The following PTPRS variants were observed in gnomAD, a reference collection of about 807,000 sequenced individuals.
The protein encoded by PTPRS is protein tyrosine phosphatase receptor type S, also known as receptor-type tyrosine-protein phosphatase S.
A neutral mutation model predicts 215.3 loss-of-function variants in PTPRS; 63 were observed. The ratio of observed to expected loss-of-function variants is 0.29; its 90% CI spans 0.24 to 0.36. The LOEUF is 0.36. Ranked by LOEUF, PTPRS falls within the 10% of genes least tolerant of loss-of-function variation. The probability of loss-of-function intolerance (pLI) is 1.00; values close to 1 mark genes in which losing one functional copy is unlikely to be tolerated. For missense variants in PTPRS, 2,258 were observed against 2,825.8 expected, an observed-to-expected ratio of 0.80 and a Z score of 4.56; for synonymous variants, 1,404 against 1,191.4, an observed-to-expected ratio of 1.18 and a Z score of -3.68.
At chr19:5,255,629 G>C (rs1048185839) in intron 9 of PTPRS, among the ~76,000 whole-genome samples, 1 of 151,542 alleles carries the variant, frequency 6.6e-6, no homozygotes, top group African/African-American at 2.4e-5. Flanking sequence ...AAAACCAAAA[G>C]AGAAAAACAG....
Position 5,222,249 on chromosome 19 carries a change from GAGC to G in PTPRS, c.3104-32_3104-30del, listed in dbSNP as rs767370238. ...CCGGGGAGGCGGCCGAGCAGGGAGA[GAGC>G]AGAAGAGAGGCCCCATGAGTGCCTG... On this transcript the variant is annotated intron_variant, in intron 18 of 37. Coordinates refer to ENST00000262963, the MANE Select transcript of PTPRS (RefSeq NM_002850.4). 4.1e-5 allele frequency: 64 copies of G among 1,569,688 alleles called. 1 individual carries two copies. In the South Asian group the frequency reaches 6.8e-4, roughly 17 times the overall value.
intron 26 of PTPRS, among the ~76,000 whole-genome samples, chr19:5,216,169 C>T (rs144054767): frequency 3.5e-4 from 54 of 152,254 alleles, no homozygotes; most frequent in African/African-American, 1.2e-3. Flanking sequence ...TCTGTCCCTG[C>T]GCTTGCTTGG....
At chr19:5,311,248 G>A (rs7258119) in intron 1 of PTPRS, among the ~76,000 whole-genome samples, 32,509 of 152,062 alleles carry the variant, frequency 0.21, 4,196 homozygotes, top group African/African-American at 0.37. Context: ...GACCTCAGGC[G>A]ATCTGCCCGT....
intron 1 of PTPRS, among the ~76,000 whole-genome samples, chr19:5,334,900 C>A (rs2050443201): frequency 6.6e-6 from 1 of 152,200 alleles, no homozygotes; most frequent in Non-Finnish European, 1.5e-5. Flanking sequence ...TACTGACTTG[C>A]TTACTTAGCA....
intron 2 of PTPRS, among the ~76,000 whole-genome samples, chr19:5,280,976 G>C (rs2047800344): frequency 6.6e-6 from 1 of 151,724 alleles, no homozygotes; most frequent in East Asian, 2.0e-4. Context: ...ATTTTTAGTA[G>C]AGAGGGGGTT....
intron 1 of PTPRS, among the ~76,000 whole-genome samples, chr19:5,292,031 T>G (rs2048863367): frequency 6.6e-6 from 1 of 152,116 alleles, no homozygotes; most frequent in Non-Finnish European, 1.5e-5. Context: ...AGGGCTCAGC[T>G]GAGCTGTCAC....
chr19:5,278,994 T>C (rs1213136081), intron 2 of PTPRS, among the ~76,000 whole-genome samples: 1 of 151,044 alleles, frequency 6.6e-6, no homozygotes, highest in African/African-American at 2.4e-5. Flanking sequence ...GAGGCCCGCC[T>C]GACCAACATG....
At chr19:5,286,003 G>C (rs1161959594) in intron 2 of PTPRS, 47 bp downstream of exon 2, 1 of 1,562,740 alleles carries the variant, frequency 6.4e-7, no homozygotes, top group Non-Finnish European at 8.8e-7. Context: ...AATGCACACA[G>C]GTAAACAAAC....
chr19:5,323,452 G>A (rs1209279098), intron 1 of PTPRS, among the ~76,000 whole-genome samples: 1 of 152,222 alleles, frequency 6.6e-6, no homozygotes, highest in Non-Finnish European at 1.5e-5. Flanking sequence ...CTAGGTGGTG[G>A]GGCAGGCTGC....
At position 5,247,868 on chromosome 19, in the gene PTPRS, G is replaced by A. The variant is rs892675400; in HGVS notation, c.719-1823C>T. ...GTCGGCAGGCGTGGGAGTGGGGTCC[G>A]GAAGCTGGCAGCCCTTCGGAAAAAG... On this transcript the variant is annotated intron_variant, in intron 9 of 37. Transcript: ENST00000262963. 6.6e-5 allele frequency among the ~76,000 whole-genome samples: 10 copies of A among 152,018 alleles called. No homozygotes were observed. In the East Asian group the frequency reaches 1.6e-3, roughly 24 times the overall value.
In PTPRS at chr19:5,286,227, G is replaced by GCAAC. The variant is rs775432718; in HGVS notation, c.-88_-87insGTTG. Reference sequence around the variant, plus strand: ...AGGCCTCGAGCCGAGCGTCAGATGGGGCAACGTCTGCAGAGACAATGGAGG... The same window carrying GCAAC: ...AGGCCTCGAGCCGAGCGTCAGATGGGCAACGCAACGTCTGCAGAGACAATGGAGG... On this transcript the variant is annotated 5_prime_UTR_variant, in exon 2 of 38. The change abolishes the stop of an existing upstream ORF in the 5' untranslated region. Coordinates refer to ENST00000262963, the MANE Select transcript of PTPRS (RefSeq NM_002850.4). The GCAAC allele has an allele frequency of 7.0e-7, 1 of 1,428,902 alleles. No homozygotes were observed. Among genetic ancestry groups the GCAAC allele is most frequent in the Admixed American group, 1.9e-5 (1 of 51,592 alleles). 88.5% of individuals were successfully genotyped at this position (1,428,902 alleles called of 1,614,324 possible). A position where few individuals can be genotyped will look rare whatever the true frequency, so the allele number is the denominator to read the frequency against.
chr19:5,273,154 G>A (rs1054391211), intron 4 of PTPRS: 23 of 460,922 alleles, frequency 5.0e-5, no homozygotes, highest in Admixed American at 3.9e-4. Context: ...TTTCTCGCTT[G>A]AACCCATCTG....
chr19:5,282,374 T>C (rs1328611194), intron 2 of PTPRS, among the ~76,000 whole-genome samples: 1 of 152,120 alleles, frequency 6.6e-6, no homozygotes, highest in Non-Finnish European at 1.5e-5. Context: ...CCCCACCTTT[T>C]TCTCAGCAAA....
rs1343171373 is a variant in PTPRS, at chr19:5,287,678, G to A, written c.-94-1444C>T. Among the ~76,000 whole-genome samples, 2 of 152,064 alleles carry A rather than the reference G, an allele frequency of 1.3e-5. No individual in the cohort carries two copies. Among genetic ancestry groups the A allele is most frequent in the South Asian group, 2.1e-4 (1 of 4,816 alleles). On this transcript the variant is annotated intron_variant, in intron 1 of 37. Transcript: ENST00000262963. The surrounding 1 kb of genome is among the most constrained non-coding windows in gnomAD (Gnocchi z 4.8). ...CAAAATACCCAGCTGCGGTCACCTC[G>A]CCCAGCCCTGGGGCGGTCCCAGGGG...
intron 4 of PTPRS, among the ~76,000 whole-genome samples, chr19:5,269,921 CAAAAAAAAAAAA>C (rs33953639): frequency 1.2e-5 from 1 of 82,628 alleles, no homozygotes; most frequent in African/African-American, 4.9e-5. Flanking sequence ...AACTCCATCT[CAAAAAAAAAAAA>C]AAAAAAAAAG....
chr19:5,223,204 A>G lies in PTPRS; in HGVS notation c.2588T>C (p.Val863Ala), dbSNP rs1451171996. 1.3e-6 allele frequency: 2 copies of G among 1,533,176 alleles called. No individual in the cohort carries two copies. Among genetic ancestry groups the G allele is most frequent in the Non-Finnish European group, 1.8e-6 (2 of 1,139,782 alleles). The allele number at this position is 1,533,176 out of a possible 1,614,324, so 95.0% of individuals were successfully genotyped here. A position where few individuals can be genotyped will look rare whatever the true frequency, so the allele number is the denominator to read the frequency against. ...EPPAGTAEDQ[V>A]LGYRLQFGRE... ...GCCAAACTGCAGGCGGTAGCCCAGCACCTGGTCCTCCGCGGTGCCAGCCGG... is the reference window on the plus strand; with the variant it reads ...GCCAAACTGCAGGCGGTAGCCCAGCGCCTGGTCCTCCGCGGTGCCAGCCGG... The change falls in exon 18 of 38, where the codon GTG (valine) becomes GCG (alanine). Residue 863 changes from valine to alanine, a missense_variant. Physicochemically the swap from Val to Ala is moderately conservative, Grantham distance 64. Coordinates refer to ENST00000262963, the MANE Select transcript of PTPRS (RefSeq NM_002850.4).
At chr19:5,206,915 G>C (rs1251216891) in intron 37 of PTPRS, 73 bp from the exon 38 acceptor site, 8 of 1,414,510 alleles carry the variant, frequency 5.7e-6, no homozygotes, top group Non-Finnish European at 8.0e-6. Context: ...TCGCCCTCAG[G>C]AGCAGGCCAA....
Position 5,246,029 on chromosome 19 carries a change from C to T in PTPRS, c.735G>A (p.Pro245=), listed in dbSNP as rs569907423. 2.9e-5 allele frequency: 37 copies of T among 1,285,404 alleles called. 1 individual carries two copies. The highest frequency in any genetic ancestry group is 1.7e-4 in the African/African-American group (11 of 63,534). 79.6% of individuals were successfully genotyped at this position (1,285,404 alleles called of 1,614,324 possible). The change falls in exon 10 of 38, where the codon CCG becomes CCA. Residue 245 remains proline, a synonymous_variant. Coordinates refer to ENST00000262963, the MANE Select transcript of PTPRS (RefSeq NM_002850.4). ...RELREVRRVA[P]RFSILPMSHE... is the part of the protein sequence containing the mutation. ...GGCTCATGGGCAGGATGGAGAAGCG[C>T]GGGGCCACGCGGCGGACTGGGGAGG...
At chr19:5,209,209 T>C (rs1186643954) in intron 35 of PTPRS, among the ~76,000 whole-genome samples, 2 of 152,170 alleles carry the variant, frequency 1.3e-5, no homozygotes, top group African/African-American at 4.8e-5. Flanking sequence ...CATTCCCCAC[T>C]ACTCAACCAT....
Sources: gnomAD v4.1 joint callset for allele counts (sites outside exome capture counted in the v4.1 genomes callset) on GRCh38, gnomAD v4.1.1 for gene constraint, Gnocchi (gnomAD v3.1) non-coding constraint, MANE v1.5 for transcripts, NCBI Gene and HGNC (gene_info 2026-07-23, HGNC 2026-07-21) for gene names.